SYTL5: variants seen among roughly 807,000 people sequenced by gnomAD.
The protein encoded by SYTL5 is synaptotagmin-like protein 5.
A neutral mutation model predicts 55.9 loss-of-function variants in SYTL5; 34 were observed. The observed-to-expected ratio is 0.61, with a 90% CI of 0.46 to 0.81. The LOEUF (loss-of-function observed/expected upper bound fraction) is 0.81. SYTL5 is among the 30% of genes least tolerant of loss of function. SYTL5 has a pLI of 0.00. For missense variants in SYTL5, 637 were observed against 546.7 expected (o/e 1.17, Z -1.65); for synonymous variants, 221 against 188.7 (o/e 1.17, Z -1.40).
chrX:37,891,504 T>A, the SYTL5 span, among the ~76,000 whole-genome samples: 1 of 111,823 alleles, frequency 8.9e-6, no homozygotes, highest in East Asian at 2.8e-4. Context: ...CTGCTGATAG[T>A]TACAGGGTTT....
chrX:38,071,334 A>T (rs1225239800), intron 3 of SYTL5, among the ~76,000 whole-genome samples: 1 of 111,381 alleles, frequency 9.0e-6, no homozygotes, highest in East Asian at 2.8e-4. Flanking sequence ...CTATTCAAGG[A>T]TCCTTCTTTC....
chrX:38,089,575 A>C lies in SYTL5; in HGVS notation c.819A>C (p.Ser273=). The C allele has an allele frequency of 8.3e-7, 1 of 1,209,226 alleles. No individual in the cohort carries two copies. The highest frequency in any genetic ancestry group is 3.0e-5 in the East Asian group (1 of 33,713). ...SPAPSTRTVT[S]VISREYGFEN... is the part of the protein sequence containing the mutation. ...CCCCAAGCACACGAACTGTGACCTC[A>C]GTCATCAGTAGAGTAAGTACACAAA... The change falls in exon 7 of 17, where the codon TCA becomes TCC. Residue 273 remains serine, a synonymous_variant. Coordinates refer to ENST00000297875, the MANE Select transcript of SYTL5 (RefSeq NM_138780.3).
the SYTL5 span, among the ~76,000 whole-genome samples, chrX:37,940,479 TAA>T: frequency 3.3e-4 from 27 of 81,584 alleles, no homozygotes; most frequent in Admixed American, 4.3e-4. Flanking sequence ...AGACTCCATC[TAA>T]AAAAAAAAAA....
chrX:38,049,758 G>T (rs1243424154), intron 2 of SYTL5, among the ~76,000 whole-genome samples: 1 of 112,078 alleles, frequency 8.9e-6, no homozygotes, highest in African/African-American at 3.2e-5. Flanking sequence ...AAGAAAGGGA[G>T]AACAGATATT....
At chrX:38,040,427 C>T (rs1461105012) in intron 2 of SYTL5, among the ~76,000 whole-genome samples, 1 of 110,257 alleles carries the variant, frequency 9.1e-6, no homozygotes, top group Non-Finnish European at 1.9e-5. Context: ...CTTATTCATA[C>T]TTTCTATTTT....
At chrX:38,020,444 TA>T (rs1934514860) in intron 1 of SYTL5, among the ~76,000 whole-genome samples, 2 of 95,392 alleles carry the variant, frequency 2.1e-5, no homozygotes, top group Non-Finnish European at 2.1e-5. Context: ...TATATATATA[TA>T]TATATTTCTT....
At chrX:38,064,734 G>A (rs926813795) in intron 3 of SYTL5, among the ~76,000 whole-genome samples, 2 of 110,378 alleles carry the variant, frequency 1.8e-5, no homozygotes, top group Non-Finnish European at 3.8e-5. Flanking sequence ...CTTTTATGTG[G>A]CATATGTATT....
At chrX:37,907,468 T>A in the SYTL5 span, among the ~76,000 whole-genome samples, 1 of 112,414 alleles carries the variant, frequency 8.9e-6, no homozygotes, top group Non-Finnish European at 1.9e-5. Context: ...CCTCTTCCAA[T>A]GTCGTCCCCG....
At chrX:38,010,613 A>G (rs1311636748) in intron 1 of SYTL5, among the ~76,000 whole-genome samples, 1 of 111,878 alleles carries the variant, frequency 8.9e-6, no homozygotes, top group Non-Finnish European at 1.9e-5. Context: ...TCAGTATCCA[A>G]ATAAATGTCC....
rs144672652 is a variant in SYTL5 at position 38,054,252 on chromosome X, T to A, written c.159T>A (p.Ser53Arg). The change falls in exon 3 of 17, where the codon AGT (serine) becomes AGA (arginine). Residue 53 changes from serine (S) to arginine (R), a missense_variant. By Grantham distance (110) the Ser-to-Arg change is moderately radical (BLOSUM62 -1). Coordinates refer to ENST00000297875, the MANE Select transcript of SYTL5 (RefSeq NM_138780.3). ...KNELLEAKRR[S>R]GKTQQEASRV... is the part of the protein sequence containing the mutation. ...AACTCTTAGAAGCAAAACGTAGAAGTGGGAAAACTCAACAAGAGGCCAGCA... is the reference window on the plus strand; with the variant it reads ...AACTCTTAGAAGCAAAACGTAGAAGAGGGAAAACTCAACAAGAGGCCAGCA... 4.1e-6 allele frequency: 5 copies of A among 1,208,863 alleles called. No homozygotes were observed. In the African/African-American group the frequency reaches 7.0e-5, roughly 17 times the overall value.
intron 2 of SYTL5, among the ~76,000 whole-genome samples, chrX:38,034,784 G>C (rs1480414722): frequency 8.9e-6 from 1 of 111,761 alleles, no homozygotes; most frequent in Non-Finnish European, 1.9e-5. Context: ...CTGATCATTT[G>C]CAAAATCCAC....
At chrX:37,972,573 C>T in the SYTL5 span, among the ~76,000 whole-genome samples, 3 of 111,158 alleles carry the variant, frequency 2.7e-5, no homozygotes, top group Non-Finnish European at 3.8e-5. Flanking sequence ...TTATTGTTGA[C>T]GAAAAGAGTC....
At chrX:38,103,330 A>G (rs189792728) in intron 10 of SYTL5, among the ~76,000 whole-genome samples, 2 of 112,396 alleles carry the variant, frequency 1.8e-5, no homozygotes, top group Non-Finnish European at 1.9e-5. Flanking sequence ...TTAACTATCA[A>G]CAAAACCTTT....
intron 1 of SYTL5, among the ~76,000 whole-genome samples, chrX:38,010,519 C>A (rs1464382519): frequency 8.9e-6 from 1 of 112,247 alleles, no homozygotes; most frequent in Non-Finnish European, 1.9e-5. Context: ...CTTTCAGACA[C>A]ATTTTCTTTT....
chrX:38,081,720 G>A (rs763850061), intron 6 of SYTL5, among the ~76,000 whole-genome samples: 5 of 111,879 alleles, frequency 4.5e-5, no homozygotes, highest in Non-Finnish European at 7.5e-5. Flanking sequence ...CTAGAAAACC[G>A]TGCTGAATGT....
chrX:38,089,927 A>G (rs1250039821), intron 7 of SYTL5, among the ~76,000 whole-genome samples: 2 of 111,646 alleles, frequency 1.8e-5, no homozygotes, highest in East Asian at 2.8e-4. Flanking sequence ...GAGCCAAACC[A>G]TATCAGACAC....
the SYTL5 span, among the ~76,000 whole-genome samples, chrX:37,906,991 A>G: frequency 8.9e-6 from 1 of 111,971 alleles, no homozygotes; most frequent in East Asian, 2.8e-4. Flanking sequence ...TTTCTCTATC[A>G]TTAAATGCAA....
chrX:38,104,556 G>A (rs1391552089), intron 10 of SYTL5, among the ~76,000 whole-genome samples: 2 of 111,910 alleles, frequency 1.8e-5, no homozygotes, highest in African/African-American at 3.3e-5. Flanking sequence ...GCTCTTGCCC[G>A]TGAAGAAGCT....
At chrX:37,999,511 A>C in the SYTL5 span, among the ~76,000 whole-genome samples, 1 of 112,017 alleles carries the variant, frequency 8.9e-6, no homozygotes, top group East Asian at 2.8e-4. Context: ...GTTGGGAGTT[A>C]TTTGCATTCT....
Sources: gnomAD v4.1 joint callset for allele counts (sites outside exome capture counted in the v4.1 genomes callset) on GRCh38, gnomAD v4.1.1 for gene constraint, MANE v1.5 for transcripts, NCBI Gene and HGNC (gene_info 2026-07-23, HGNC 2026-07-21) for gene names.